Variants in TMEM156 observed in about 807,000 individuals in gnomAD.
TMEM156 encodes the protein transmembrane protein 156.
Under a neutral mutation model 30.5 loss-of-function variants are expected in TMEM156, and 28 were observed. That is an observed-to-expected ratio of 0.92 (90% confidence interval 0.68 to 1.26). TMEM156 has a LOEUF of 1.26. TMEM156 is among the 50% of genes most tolerant of loss of function. The pLI is 0.00. For synonymous variants in TMEM156, 137 were observed against 119.9 expected (o/e 1.14, Z -0.93); for missense variants, 351 against 340.6 (o/e 1.03, Z -0.24).
intron 1 of TMEM156, among the ~76,000 whole-genome samples, chr4:39,000,952 T>C (rs1713299822): frequency 6.6e-6 from 1 of 152,096 alleles, no homozygotes; most frequent in African/African-American, 2.4e-5. Flanking sequence ...TAAATTCATC[T>C]TTCCTTTAGG....
intron 1 of TMEM156, among the ~76,000 whole-genome samples, chr4:39,022,411 C>A (rs1714929322): frequency 6.6e-6 from 1 of 152,162 alleles, no homozygotes; most frequent in Non-Finnish European, 1.5e-5. Flanking sequence ...CCCAGTGAAA[C>A]TGAAATTCCA....
At chr4:38,975,146 T>C (rs2109868442) in intron 5 of TMEM156, among the ~76,000 whole-genome samples, 1 of 152,250 alleles carries the variant, frequency 6.6e-6, no homozygotes, top group Non-Finnish European at 1.5e-5. Context: ...AAAACTTCCT[T>C]TGACTTATTA....
chr4:39,030,894 T>C (rs1715469236), intron 1 of TMEM156, among the ~76,000 whole-genome samples: 1 of 152,252 alleles, frequency 6.6e-6, no homozygotes, highest in East Asian at 1.9e-4. Flanking sequence ...ACTGAAAATA[T>C]GTGCTATGAT....
intron 1 of TMEM156, among the ~76,000 whole-genome samples, chr4:39,018,741 C>A (rs972914636): frequency 4.6e-5 from 7 of 152,140 alleles, no homozygotes; most frequent in African/African-American, 1.7e-4. Context: ...GATCTCTTGG[C>A]CGGGCACGAT....
intron 1 of TMEM156, among the ~76,000 whole-genome samples, chr4:39,001,541 C>CTT (rs201858136): frequency 6.8e-4 from 99 of 144,582 alleles, no homozygotes; most frequent in South Asian, 1.9e-3. Flanking sequence ...ATTACTTCTT[C>CTT]TTTTTTTTTT....
At chr4:38,994,429 A>G (rs1362298832) in intron 2 of TMEM156, among the ~76,000 whole-genome samples, 1 of 152,114 alleles carries the variant, frequency 6.6e-6, no homozygotes, top group Non-Finnish European at 1.5e-5. Flanking sequence ...GCCAACCTAA[A>G]AATAATCAGT....
chr4:38,991,421 A>G (rs1712455242), intron 3 of TMEM156, among the ~76,000 whole-genome samples: 1 of 151,558 alleles, frequency 6.6e-6, no homozygotes, highest in African/African-American at 2.4e-5. Context: ...GGGTTTCACC[A>G]TGTTGTCCAA....
chr4:39,021,842 T>A (rs1016562078), intron 1 of TMEM156, among the ~76,000 whole-genome samples: 4 of 152,250 alleles, frequency 2.6e-5, no homozygotes, highest in Admixed American at 2.0e-4. Flanking sequence ...TACATTCTTC[T>A]GTGCTTACTC....
rs76517220 is a variant in TMEM156, at chr4:39,006,881, C to T, written c.89-7972G>A. ...TTGCTTGAGCCCAGGAGGTTGAGGC[C>T]GTGGTGAGCCATGATCATACCACTG... On this transcript the variant is annotated intron_variant, in intron 1 of 6. Transcript: ENST00000381938. Among the ~76,000 whole-genome samples, 845 of 152,020 alleles carry T rather than the reference C, an allele frequency of 5.6e-3. 5 individuals carry two copies. Among genetic ancestry groups the T allele is most frequent in the African/African-American group, 0.018 (753 of 41,438 alleles).
chr4:38,970,689 G>A (rs912232532), intron 6 of TMEM156, among the ~76,000 whole-genome samples: 3 of 152,128 alleles, frequency 2.0e-5, no homozygotes, highest in Non-Finnish European at 2.9e-5. Flanking sequence ...TTGTGGAGGA[G>A]GCAGTTTGCT....
chr4:38,984,692 T>C (rs1711842393), intron 5 of TMEM156, among the ~76,000 whole-genome samples: 1 of 152,168 alleles, frequency 6.6e-6, no homozygotes, highest in Admixed American at 6.6e-5. Flanking sequence ...AGGAAAAGAT[T>C]GCATTTAGGT....
At chr4:39,005,181 C>T (rs1713643176) in intron 1 of TMEM156, among the ~76,000 whole-genome samples, 1 of 152,160 alleles carries the variant, frequency 6.6e-6, no homozygotes, top group African/African-American at 2.4e-5. Context: ...AGTGCATTGG[C>T]AGTAGGAGAA....
chr4:38,979,220 A>G (rs1723056642), intron 5 of TMEM156, among the ~76,000 whole-genome samples: 1 of 152,244 alleles, frequency 6.6e-6, no homozygotes, highest in Non-Finnish European at 1.5e-5. Context: ...ACTGGACCAG[A>G]TAGATTCACC....
chr4:39,015,581 G>A (rs954624788), intron 1 of TMEM156, among the ~76,000 whole-genome samples: 16 of 152,174 alleles, frequency 1.1e-4, no homozygotes, highest in Non-Finnish European at 2.1e-4. Flanking sequence ...TTAGCCCGGG[G>A]ATACCTCTGT....
chr4:39,006,070 A>AT (rs1713714569), intron 1 of TMEM156, among the ~76,000 whole-genome samples: 2 of 151,974 alleles, frequency 1.3e-5, no homozygotes, highest in South Asian at 4.1e-4. Context: ...TAATTTTTGT[A>AT]TTTTTAATAG....
chr4:39,011,558 G>A (rs918374784), intron 1 of TMEM156, among the ~76,000 whole-genome samples: 20 of 152,190 alleles, frequency 1.3e-4, no homozygotes, highest in Admixed American at 2.6e-4. Flanking sequence ...GGTGAATCAC[G>A]AGGTCAGGAG....
At chr4:38,984,560 T>C (rs1215901037) in intron 5 of TMEM156, among the ~76,000 whole-genome samples, 1 of 152,112 alleles carries the variant, frequency 6.6e-6, no homozygotes, top group Non-Finnish European at 1.5e-5. Context: ...GACACATTTT[T>C]CCCGTACATT....
intron 3 of TMEM156, 21 bp from the exon 4 acceptor site, chr4:38,988,991 G>A (rs1232376285): frequency 2.5e-6 from 4 of 1,600,886 alleles, no homozygotes; most frequent in Non-Finnish European, 2.6e-6. Flanking sequence ...AACAAATACT[G>A]TAAAAACCCA....
intron 1 of TMEM156, among the ~76,000 whole-genome samples, chr4:39,029,146 A>G (rs1204102610): frequency 6.6e-6 from 1 of 152,176 alleles, no homozygotes; most frequent in Non-Finnish European, 1.5e-5. Context: ...AAACATCATG[A>G]GTATATTATT....
Sources: allele counts gnomAD v4.1 joint callset (sites outside exome capture counted in the v4.1 genomes callset), GRCh38; gene constraint gnomAD v4.1.1; transcripts MANE v1.5; gene names NCBI Gene and HGNC (gene_info 2026-07-23, HGNC 2026-07-21).